ASCC1: variants seen among roughly 807,000 people sequenced by gnomAD.
ASCC1 encodes the protein activating signal cointegrator 1 complex subunit 1, also known as ASC-1 complex subunit P50.
A neutral mutation model predicts 46.6 loss-of-function variants in ASCC1; 35 were observed. That is an observed-to-expected ratio of 0.75 (90% CI 0.57 to 0.99). ASCC1 has a LOEUF of 0.99. Among genes scored for constraint, ASCC1 ranks in the 50% least tolerant of loss-of-function variants. The pLI, the probability that ASCC1 is intolerant of heterozygous loss-of-function variation, is 0.00. For missense variants in ASCC1, 376 were observed against 428.7 expected (o/e 0.88, Z 1.09); for synonymous variants, 143 against 146.6 (o/e 0.98, Z 0.18).
intron 5 of ASCC1, among the ~76,000 whole-genome samples, chr10:72,192,517 A>G (rs1854690624): frequency 6.6e-6 from 1 of 151,922 alleles, no homozygotes; most frequent in African/African-American, 2.4e-5. Context: ...GTTTGTTGAG[A>G]CAGTCTCACT....
At chr10:72,216,896 C>T (rs1248722493), upstream of ASCC1, 15 of 456,012 alleles carry the variant, frequency 3.3e-5, no homozygotes, top group Non-Finnish European at 6.6e-5. Flanking sequence ...CTCCGGTGGG[C>T]CTGGCAAACT....
chr10:72,102,328 T>C, intron 9 of ASCC1: 1 of 1,549,010 alleles, frequency 6.5e-7, no homozygotes, highest in South Asian at 1.2e-5. Flanking sequence ...CACGGCTGTA[T>C]CTTACCCACT....
chr10:72,166,947 T>A (rs536043650), intron 5 of ASCC1, among the ~76,000 whole-genome samples: 1 of 152,020 alleles, frequency 6.6e-6, no homozygotes, highest in African/African-American at 2.4e-5. Flanking sequence ...CAAGTGTAGA[T>A]GAGGATATGG....
chr10:72,100,299 G>C (rs1841599599), intron 9 of ASCC1, among the ~76,000 whole-genome samples: 3 of 151,300 alleles, frequency 2.0e-5, no homozygotes, highest in Admixed American at 2.0e-4. Flanking sequence ...CGCGATCTCA[G>C]CTCACCACAA....
intron 9 of ASCC1, 40 bp downstream of exon 9, chr10:72,128,042 T>C (rs372390433): frequency 5.4e-6 from 8 of 1,469,054 alleles, no homozygotes; most frequent in Non-Finnish European, 7.6e-6. Flanking sequence ...ATTTAGGACA[T>C]GTGCCAAAGG....
At chr10:72,102,219 C>T (rs1841850675) in intron 9 of ASCC1, 19 of 840,634 alleles carry the variant, frequency 2.3e-5, no homozygotes, top group Non-Finnish European at 3.5e-5. Context: ...ATGATGGGTC[C>T]AATGGGTGTA....
At chr10:72,177,769 C>T (rs111492218) in intron 5 of ASCC1, among the ~76,000 whole-genome samples, 19 of 152,278 alleles carry the variant, frequency 1.2e-4, no homozygotes, top group African/African-American at 4.3e-4. Context: ...CTTGAACTTG[C>T]AGGCAATGAG....
intron 3 of ASCC1, among the ~76,000 whole-genome samples, chr10:72,208,603 T>G (rs935609318): frequency 6.6e-6 from 1 of 152,002 alleles, no homozygotes; most frequent in Non-Finnish European, 1.5e-5. Flanking sequence ...CTACTAAAAA[T>G]ACAAAAATTA....
chr10:72,116,668 CT>C (rs1352196381), intron 9 of ASCC1, among the ~76,000 whole-genome samples: 1 of 152,216 alleles, frequency 6.6e-6, no homozygotes, highest in Admixed American at 6.5e-5. Flanking sequence ...GTCTAATTTG[CT>C]GCTAAACCCA....
chr10:72,145,610 G>A (rs1390423024), intron 7 of ASCC1, among the ~76,000 whole-genome samples: 1 of 152,194 alleles, frequency 6.6e-6, no homozygotes. Flanking sequence ...AGTGAAAATG[G>A]TAAGTGTTAT....
chr10:72,184,432 T>C (rs1853141652), intron 5 of ASCC1, among the ~76,000 whole-genome samples: 1 of 152,080 alleles, frequency 6.6e-6, no homozygotes, highest in African/African-American at 2.4e-5. Flanking sequence ...GTTTTGAATA[T>C]AAAGATACAA....
chr10:72,171,801 G>A (rs562825805), intron 5 of ASCC1, among the ~76,000 whole-genome samples: 2 of 152,168 alleles, frequency 1.3e-5, no homozygotes, highest in Non-Finnish European at 2.9e-5. Context: ...AATAGTCACC[G>A]GTTTTGGGAT....
intron 8 of ASCC1, 131 bp from the exon 9 acceptor site, chr10:72,128,298 A>G (rs1388749964): frequency 2.5e-5 from 19 of 747,272 alleles, no homozygotes; most frequent in Non-Finnish European, 4.5e-5. Context: ...ATGAAGAGGA[A>G]AAATGTCAGG....
At chr10:72,141,793 A>G (rs1222686221) in intron 7 of ASCC1, among the ~76,000 whole-genome samples, 1 of 152,164 alleles carries the variant, frequency 6.6e-6, no homozygotes, top group Non-Finnish European at 1.5e-5. Context: ...TGTAGATACT[A>G]AATTATTTAT....
chr10:72,125,768 T>C (rs1364536391), intron 9 of ASCC1, among the ~76,000 whole-genome samples: 1 of 152,230 alleles, frequency 6.6e-6, no homozygotes, highest in East Asian at 1.9e-4. Flanking sequence ...TACGTCATCA[T>C]AACTATCTGT....
At chr10:72,182,470 A>G (rs1852761110) in intron 5 of ASCC1, among the ~76,000 whole-genome samples, 1 of 152,190 alleles carries the variant, frequency 6.6e-6, no homozygotes, top group South Asian at 2.1e-4. Flanking sequence ...GAATGGTGGC[A>G]TAGTCTGGAT....
intron 7 of ASCC1, among the ~76,000 whole-genome samples, chr10:72,141,937 A>C (rs1032068672): frequency 2.0e-5 from 3 of 152,184 alleles, no homozygotes; most frequent in Non-Finnish European, 4.4e-5. Flanking sequence ...TTCTAAAAAA[A>C]TTTTCCCACA....
intron 9 of ASCC1, among the ~76,000 whole-genome samples, chr10:72,101,625 G>A (rs894548986): frequency 6.6e-6 from 1 of 152,160 alleles, no homozygotes; most frequent in African/African-American, 2.4e-5. Flanking sequence ...GGGGACCTGA[G>A]GCTCAAGTTC....
At chr10:72,148,126 T>G (rs1357786601) in intron 7 of ASCC1, among the ~76,000 whole-genome samples, 1 of 149,352 alleles carries the variant, frequency 6.7e-6, no homozygotes, top group Non-Finnish European at 1.5e-5. Flanking sequence ...TATTTACAGG[T>G]TTTTTTTAAG....
Sources: allele counts gnomAD v4.1 joint callset (sites outside exome capture counted in the v4.1 genomes callset), GRCh38; gene constraint gnomAD v4.1.1; transcripts MANE v1.5; gene names NCBI Gene and HGNC (gene_info 2026-07-23, HGNC 2026-07-21).